The following RCOR1 variants were observed in gnomAD, a reference collection of about 807,000 sequenced individuals.
The protein encoded by RCOR1 is REST corepressor 1, also known as REST corepressor.
A neutral mutation model predicts 64.0 loss-of-function variants in RCOR1; 12 were observed. The ratio of observed to expected loss-of-function variants is 0.19; its 90% confidence interval spans 0.12 to 0.30. The LOEUF is 0.30. Ranked by LOEUF, RCOR1 falls within the 10% of genes least tolerant of loss-of-function variation. The pLI is 1.00. For synonymous variants in RCOR1, 279 were observed against 227.2 expected (o/e 1.23, Z -2.05); for missense variants, 502 against 621.2 (o/e 0.81, Z 2.04).
At chr14:102,666,021 T>G (rs564829668) in intron 2 of RCOR1, among the ~76,000 whole-genome samples, 5 of 152,164 alleles carry the variant, frequency 3.3e-5, no homozygotes, top group African/African-American at 4.8e-5. Flanking sequence ...CCCAGTGTTA[T>G]GAGAGTATTG....
chr14:102,701,391 A>G (rs1895756338), intron 4 of RCOR1, 61 bp downstream of exon 4: 1 of 1,310,366 alleles, frequency 7.6e-7, no homozygotes, highest in Non-Finnish European at 1.0e-6. Context: ...CTAAATAATT[A>G]TATTTTTTTC....
intron 2 of RCOR1, chr14:102,656,121 TTGC>T (rs1338926057): frequency 2.0e-6 from 2 of 984,408 alleles, no homozygotes; most frequent in Non-Finnish European, 2.4e-6. Context: ...TGAAATCACT[TTGC>T]TGAGATTTTT....
At chr14:102,607,376 A>G (rs1046584889) in intron 2 of RCOR1, among the ~76,000 whole-genome samples, 1 of 152,158 alleles carries the variant, frequency 6.6e-6, no homozygotes, top group African/African-American at 2.4e-5. Context: ...ATGAATTTGT[A>G]TAAATTGGAG....
intron 2 of RCOR1, among the ~76,000 whole-genome samples, chr14:102,604,618 C>G (rs1032973526): frequency 6.6e-6 from 1 of 152,094 alleles, no homozygotes; most frequent in Admixed American, 6.6e-5. Flanking sequence ...TAATCCAGTC[C>G]GAGAGGCCCT....
At chr14:102,678,682 ATT>A (rs1279373699) in intron 2 of RCOR1, among the ~76,000 whole-genome samples, 1 of 152,182 alleles carries the variant, frequency 6.6e-6, no homozygotes, top group Non-Finnish European at 1.5e-5. Context: ...GGTAAATATA[ATT>A]ATGTCTTTGT....
At chr14:102,679,017 T>C (rs1430243731) in intron 2 of RCOR1, among the ~76,000 whole-genome samples, 1 of 152,262 alleles carries the variant, frequency 6.6e-6, no homozygotes, top group Non-Finnish European at 1.5e-5. Flanking sequence ...TTATGTATTC[T>C]GGATAGAAGT....
rs553809664 is a variant in RCOR1, at chr14:102,593,262, G to A, written c.302-4G>A. ...CTGACCGCCGTATTCTGCTTCCCCCGCAGGTGGCGGTGGCATGAGGGTCGG... is the reference window on the plus strand; with the variant it reads ...CTGACCGCCGTATTCTGCTTCCCCCACAGGTGGCGGTGGCATGAGGGTCGG... On this transcript the variant is annotated splice_region_variant and splice_polypyrimidine_tract_variant and intron_variant, in intron 1 of 11. Coordinates refer to ENST00000262241, the MANE Select transcript of RCOR1 (RefSeq NM_015156.4). 48 of 1,525,812 alleles carry A rather than the reference G, an allele frequency of 3.1e-5. No individual in the cohort carries two copies. The South Asian group carries it at 5.0e-4, about 16-fold the overall frequency. 94.5% of individuals were successfully genotyped at this position (1,525,812 alleles called of 1,614,324 possible).
chr14:102,686,363 A>G (rs1022235926), intron 3 of RCOR1, among the ~76,000 whole-genome samples: 3 of 152,120 alleles, frequency 2.0e-5, no homozygotes, highest in Non-Finnish European at 4.4e-5. Flanking sequence ...CCACACACCC[A>G]CACCCTCCCC....
intron 2 of RCOR1, among the ~76,000 whole-genome samples, chr14:102,675,047 CAAAA>C (rs761294133): frequency 1.8e-3 from 116 of 63,404 alleles, no homozygotes; most frequent in African/African-American, 5.9e-3. Flanking sequence ...GACTCCACCT[CAAAA>C]AAAAAAAAAA....
chr14:102,675,172 AT>A (rs1361501440), intron 2 of RCOR1, among the ~76,000 whole-genome samples: 7 of 151,628 alleles, frequency 4.6e-5, no homozygotes, highest in African/African-American at 1.5e-4. Flanking sequence ...TTGTATTTAT[AT>A]TTTTTGATTT....
chr14:102,701,953 C>T (rs1433924479), intron 4 of RCOR1, among the ~76,000 whole-genome samples: 1 of 152,312 alleles, frequency 6.6e-6, no homozygotes, highest in Middle Eastern at 3.4e-3. Flanking sequence ...AGGCGTGAGC[C>T]ACTGCGCCTG....
At chr14:102,597,528 C>G (rs375855332) in intron 2 of RCOR1, among the ~76,000 whole-genome samples, 1 of 150,994 alleles carries the variant, frequency 6.6e-6, no homozygotes, top group Admixed American at 6.6e-5. Flanking sequence ...GAGGTTTCAC[C>G]TTGTTGGCCA....
intron 2 of RCOR1, among the ~76,000 whole-genome samples, chr14:102,613,614 A>G (rs983425899): frequency 4.4e-4 from 66 of 150,926 alleles, no homozygotes; most frequent in African/African-American, 1.4e-3. Flanking sequence ...TTGTATTTTT[A>G]GTAGAGACGG....
chr14:102,629,450 C>G (rs529429077), intron 2 of RCOR1, among the ~76,000 whole-genome samples: 11 of 151,982 alleles, frequency 7.2e-5, no homozygotes, highest in Middle Eastern at 3.4e-3. Context: ...CCTCCCCCCC[C>G]CCCACCACTG....
chr14:102,717,115 T>A (rs1247607358), intron 8 of RCOR1, among the ~76,000 whole-genome samples: 2 of 152,234 alleles, frequency 1.3e-5, no homozygotes, highest in African/African-American at 4.8e-5. Context: ...TTATAATTAT[T>A]TTTGCCTGCT....
At chr14:102,623,470 G>A (rs1409745400) in intron 2 of RCOR1, among the ~76,000 whole-genome samples, 1 of 150,854 alleles carries the variant, frequency 6.6e-6, no homozygotes, top group South Asian at 2.1e-4. Context: ...GTGCAATGGC[G>A]CGATCTTGGC....
intron 4 of RCOR1, 91 bp from the exon 5 acceptor site, chr14:102,707,260 T>A (rs771539793): frequency 9.2e-6 from 10 of 1,087,416 alleles, no homozygotes; most frequent in Non-Finnish European, 7.9e-6. Context: ...TGTCTAAATA[T>A]GAAGTCGTTT....
At chr14:102,625,977 C>T (rs768488069) in intron 2 of RCOR1, among the ~76,000 whole-genome samples, 1 of 152,170 alleles carries the variant, frequency 6.6e-6, no homozygotes, top group African/African-American at 2.4e-5. Context: ...TCTGCCCTAC[C>T]TCAGCCACCC....
intron 2 of RCOR1, chr14:102,630,089 C>T (rs1432182930): frequency 4.2e-6 from 3 of 716,344 alleles, no homozygotes; most frequent in Admixed American, 6.3e-5. Flanking sequence ...GAAATTTGAT[C>T]TCCAGTGTTG....
Sources: allele counts gnomAD v4.1 joint callset (sites outside exome capture counted in the v4.1 genomes callset), GRCh38; gene constraint gnomAD v4.1.1; transcripts MANE v1.5; gene names NCBI Gene and HGNC (gene_info 2026-07-23, HGNC 2026-07-21).